Variants in SCAI observed in about 807,000 individuals in gnomAD.
SCAI encodes suppressor of cancer cell invasion, also known as protein SCAI.
In SCAI, 24 loss-of-function variants were observed where a neutral mutation model predicts 92.2. That is an observed-to-expected ratio of 0.26 (90% CI 0.19 to 0.37). The LOEUF (loss-of-function observed/expected upper bound fraction) is 0.37, where lower values mean the gene tolerates loss of function less well. Ranked by LOEUF, SCAI falls within the 10% of genes least tolerant of loss-of-function variation. The probability of loss-of-function intolerance (pLI) is 1.00; values close to 1 mark genes in which losing one functional copy is unlikely to be tolerated. For missense variants in SCAI, 450 were observed against 736.2 expected (o/e 0.61, Z 4.50); for synonymous variants, 261 against 258.6 (o/e 1.01, Z -0.09).
At chr9:125,128,891 C>A (rs898056266) in intron 2 of SCAI, among the ~76,000 whole-genome samples, 1 of 151,738 alleles carries the variant, frequency 6.6e-6, no homozygotes, top group Non-Finnish European at 1.5e-5. Flanking sequence ...GGAGAAACCC[C>A]ATCCTTACTA....
At chr9:125,112,843 C>T (rs983560593) in intron 2 of SCAI, among the ~76,000 whole-genome samples, 2 of 152,134 alleles carry the variant, frequency 1.3e-5, no homozygotes, top group Admixed American at 6.5e-5. Context: ...CAAAATCAAA[C>T]AAAGCCATCA....
chr9:125,113,760 C>T (rs1427838079), intron 2 of SCAI, among the ~76,000 whole-genome samples: 2 of 147,998 alleles, frequency 1.4e-5, no homozygotes, highest in East Asian at 2.0e-4. Context: ...GTCGGGAATT[C>T]GAGACCAGCC....
intron 3 of SCAI, among the ~76,000 whole-genome samples, chr9:125,030,979 A>G (rs1833062017): frequency 6.6e-6 from 1 of 152,258 alleles, no homozygotes; most frequent in Non-Finnish European, 1.5e-5. Flanking sequence ...AATGCCAATT[A>G]AAATTCAGCC....
chr9:125,075,597 G>A (rs912577256), intron 2 of SCAI, among the ~76,000 whole-genome samples: 7 of 138,424 alleles, frequency 5.1e-5, no homozygotes, highest in African/African-American at 1.6e-4. Flanking sequence ...ATGGAGTTTC[G>A]CTCCTGTTGA....
chr9:125,136,383 T>C (rs1454323963), intron 2 of SCAI, among the ~76,000 whole-genome samples: 1 of 151,984 alleles, frequency 6.6e-6, no homozygotes, highest in Non-Finnish European at 1.5e-5. Flanking sequence ...TCTTGAAGTG[T>C]TTACCAGGAA....
At chr9:124,959,465 T>C (rs1386203931) in intron 17 of SCAI, among the ~76,000 whole-genome samples, 1 of 91,030 alleles carries the variant, frequency 1.1e-5, no homozygotes, top group East Asian at 2.4e-4. Context: ...AGCAATTTCA[T>C]ATATATATAT....
chr9:125,051,223 A>T (rs1187742159), intron 3 of SCAI, among the ~76,000 whole-genome samples: 1 of 151,240 alleles, frequency 6.6e-6, no homozygotes, highest in African/African-American at 2.4e-5. Flanking sequence ...GGGTTTCACC[A>T]TGTTGGCCAG....
At chr9:125,118,950 T>C (rs901625095) in intron 2 of SCAI, among the ~76,000 whole-genome samples, 7 of 152,228 alleles carry the variant, frequency 4.6e-5, no homozygotes, top group Admixed American at 2.0e-4. Context: ...CAGTCTATCA[T>C]TGATGGGCAT....
At chr9:125,011,421 G>C (rs1832637378) in intron 9 of SCAI, among the ~76,000 whole-genome samples, 1 of 152,234 alleles carries the variant, frequency 6.6e-6, no homozygotes, top group East Asian at 1.9e-4. Flanking sequence ...TCAACTGGAA[G>C]AAAGGGTATC....
chr9:124,981,376 ATTGTT>A (rs1419218588), intron 14 of SCAI, among the ~76,000 whole-genome samples: 2 of 152,144 alleles, frequency 1.3e-5, no homozygotes, highest in African/African-American at 2.4e-5. Flanking sequence ...AACTCTTGTT[ATTGTT>A]TTATTTGGGG....
chr9:125,097,759 A>G (rs1428579869), intron 2 of SCAI, among the ~76,000 whole-genome samples: 1 of 151,742 alleles, frequency 6.6e-6, no homozygotes, highest in Non-Finnish European at 1.5e-5. Context: ...TGGATATTTC[A>G]GAAGGATATG....
intron 2 of SCAI, among the ~76,000 whole-genome samples, chr9:125,097,592 T>C (rs551090902): frequency 4.5e-4 from 69 of 151,772 alleles, no homozygotes; most frequent in Non-Finnish European, 7.8e-4. Flanking sequence ...AAATATTTTA[T>C]ATACAAATAA....
chr9:124,965,588 A>G (rs1401424104), intron 17 of SCAI, among the ~76,000 whole-genome samples: 1 of 152,194 alleles, frequency 6.6e-6, no homozygotes, highest in Non-Finnish European at 1.5e-5. Flanking sequence ...CATTTTCATT[A>G]TGAGATAAAA....
chr9:124,978,411 A>G (rs1831806448), intron 14 of SCAI, among the ~76,000 whole-genome samples: 1 of 152,254 alleles, frequency 6.6e-6, no homozygotes, highest in African/African-American at 2.4e-5. Context: ...ACTGCACTCC[A>G]GCCTGGATGA....
chr9:125,018,093 T>C (rs1832799767), intron 9 of SCAI, among the ~76,000 whole-genome samples: 1 of 151,922 alleles, frequency 6.6e-6, no homozygotes. Flanking sequence ...TTGGAAACTT[T>C]ATTATTATTA....
rs562125193 is a variant in SCAI, at chr9:125,108,250, C to T, written c.98+34383G>A. Among the ~76,000 whole-genome samples the T allele has an allele frequency of 8.0e-3, 1,215 of 152,326 alleles. 7 individuals are homozygous for T. Among genetic ancestry groups the T allele is most frequent in the African/African-American group, 0.027 (1,138 of 41,564 alleles). On this transcript the variant is annotated intron_variant, in intron 2 of 17. Transcript: ENST00000336505. ...CGAGATTGCAGCCTCTGCCCAGCCG[C>T]CACCCCGTCTGGGAAGTGAGGAGCG...
intron 9 of SCAI, among the ~76,000 whole-genome samples, chr9:125,007,839 T>C (rs533232310): frequency 7.3e-5 from 11 of 151,440 alleles, no homozygotes; most frequent in African/African-American, 2.7e-4. Flanking sequence ...GTTTTTTAGT[T>C]CTTTTTCTTT....
Position 124,949,080 on chromosome 9 carries a change from T to G in SCAI, c.*3727A>C, listed in dbSNP as rs1469488560. The stretch of plus-strand genomic sequence containing the variant: ...GATTTATTAAACTGTATGTTTAGGC[T>G]GGGCGTGGTGGCTCATGCCTGTAAT... On this transcript the variant is annotated 3_prime_UTR_variant, in exon 18 of 18. Transcript: ENST00000336505. The surrounding 1 kb of genome is among the most constrained non-coding windows in gnomAD (Gnocchi z 4.0). 2 of 152,326 alleles carry G rather than the reference T, an allele frequency of 1.3e-5. No individual in the cohort carries two copies. Among genetic ancestry groups the G allele is most frequent in the African/African-American group, 4.8e-5 (2 of 41,476 alleles). The allele number at this position is 152,326 out of a possible 1,614,324, so 9.4% of individuals were successfully genotyped here. A position where few individuals can be genotyped will look rare whatever the true frequency, so the allele number is the denominator to read the frequency against.
intron 6 of SCAI, 144 bp from the exon 7 acceptor site, chr9:125,020,913 T>A (rs1461176618): frequency 2.1e-5 from 10 of 466,920 alleles, no homozygotes; most frequent in East Asian, 3.6e-5. Context: ...ATAGTCTTTT[T>A]AAAATATTTC....
Sources: gnomAD v4.1 joint callset for allele counts (sites outside exome capture counted in the v4.1 genomes callset) on GRCh38, gnomAD v4.1.1 for gene constraint, Gnocchi (gnomAD v3.1) non-coding constraint, MANE v1.5 for transcripts, NCBI Gene and HGNC (gene_info 2026-07-23, HGNC 2026-07-21) for gene names.